Variants in NLRC5 observed in about 807,000 individuals in gnomAD.
The protein encoded by NLRC5 is protein NLRC5.
A neutral mutation model predicts 206.9 loss-of-function variants in NLRC5; 114 were observed. That is an observed-to-expected ratio of 0.55 (90% CI 0.47 to 0.64). The LOEUF (loss-of-function observed/expected upper bound fraction) is 0.64. Among genes scored for constraint, NLRC5 ranks in the 30% least tolerant of loss-of-function variants. The pLI, the probability that NLRC5 is intolerant of heterozygous loss-of-function variation, is 0.00. For missense variants in NLRC5, 2,008 were observed against 2,305.5 expected, an observed-to-expected ratio of 0.87 and a Z score of 2.64; for synonymous variants, 952 against 962.8, an observed-to-expected ratio of 0.99 and a Z score of 0.21.
Position 57,079,054 on chromosome 16 carries a change from CCATTCAGCCAT to C in NLRC5, c.5088_5098del (p.Phe1697GlyfsTer51). The C allele has an allele frequency of 1.9e-6, 3 of 1,614,026 alleles. No homozygotes were observed. The highest frequency in any genetic ancestry group is 2.5e-6 in the Non-Finnish European group (3 of 1,179,884). On this transcript the variant is annotated frameshift_variant, in exon 44 of 49. Transcript: ENST00000688547. LOFTEE classifies it high-confidence loss of function. ...CACCCTCTCCTCTTTCCCCAGCCTA[CCATTCAGCCAT>C]CTGGGCCCAGGTGGGGCCCTGAGCC... is the stretch of plus-strand genomic sequence containing the variant.
Position 57,070,549 on chromosome 16 carries a change from A to C in NLRC5, c.4598A>C (p.Gln1533Pro), listed in dbSNP as rs576458694. Residue 1533 changes from glutamine (Q) to proline (P), a missense_variant, in exon 38 of 49, where the codon CAA (glutamine) becomes CCA (proline). Transcript: ENST00000688547. ...HLEELDLSNN[Q>P]FDEEGTKALM... ...GTCTTCTGCAGCTTGTCTAACAATC[A>C]ATTTGATGAGGAGGGCACCAAGGCG... 2 of 1,613,798 alleles carry C rather than the reference A, an allele frequency of 1.2e-6. No homozygotes were observed. Among genetic ancestry groups the C allele is most frequent in the East Asian group, 4.5e-5 (2 of 44,886 alleles).
At chr16:57,044,508 T>G (rs1282148762) in intron 20 of NLRC5, among the ~76,000 whole-genome samples, 1 of 151,788 alleles carries the variant, frequency 6.6e-6, no homozygotes, top group African/African-American at 2.4e-5. Context: ...CCCCCAAGAA[T>G]GGGAGGTGCC....
chr16:57,001,975 A>G (rs1265061414), intron 1 of NLRC5, among the ~76,000 whole-genome samples: 2 of 151,824 alleles, frequency 1.3e-5, no homozygotes, highest in Admixed American at 1.3e-4. Flanking sequence ...TGATTTTTAG[A>G]TCCCACAAAT....
intron 38 of NLRC5, among the ~76,000 whole-genome samples, chr16:57,073,116 T>G (rs2144975920): frequency 6.6e-6 from 1 of 152,312 alleles, no homozygotes; most frequent in African/African-American, 2.4e-5. Flanking sequence ...TCGACAAATA[T>G]GTACTGAGCT....
chr16:57,028,893 T>C (rs2061509521), intron 8 of NLRC5, among the ~76,000 whole-genome samples: 1 of 152,190 alleles, frequency 6.6e-6, no homozygotes, highest in Non-Finnish European at 1.5e-5. Context: ...TCTAACTAAC[T>C]AAGCTTGTAT....
chr16:57,002,880 T>C (rs757509109), intron 1 of NLRC5, among the ~76,000 whole-genome samples: 1 of 152,104 alleles, frequency 6.6e-6, no homozygotes, highest in Non-Finnish European at 1.5e-5. Context: ...CTTGACCTCA[T>C]GATCTGCCCA....
chr16:57,014,512 G>T (rs1168097194), intron 1 of NLRC5, among the ~76,000 whole-genome samples: 1 of 152,098 alleles, frequency 6.6e-6, no homozygotes, highest in African/African-American at 2.4e-5. Context: ...TAACTTCAGC[G>T]GTTTTATTAT....
At chr16:57,008,886 G>A (rs973542291) in intron 1 of NLRC5, among the ~76,000 whole-genome samples, 2 of 152,118 alleles carry the variant, frequency 1.3e-5, no homozygotes, top group African/African-American at 4.8e-5. Flanking sequence ...ATTGATAAAT[G>A]AAAACAAAAA....
At position 57,055,084 on chromosome 16, in the gene NLRC5, G is replaced by T. The variant is rs151217415; in HGVS notation, c.3649G>T (p.Val1217Leu). 6 of 1,614,214 alleles carry T rather than the reference G, an allele frequency of 3.7e-6. No individual in the cohort carries two copies. Among genetic ancestry groups the T allele is most frequent in the Non-Finnish European group, 5.1e-6 (6 of 1,180,042 alleles). The change falls in exon 26 of 49, where the codon GTG becomes TTG. Residue 1217 changes from valine (V) to leucine (L), a missense_variant. Physicochemically the swap from Val to Leu is conservative, Grantham distance 32 (BLOSUM62 1). Coordinates refer to ENST00000688547, the MANE Select transcript of NLRC5 (RefSeq NM_001384950.1). The stretch of plus-strand genomic sequence containing the variant: ...CAGATCCAACGAGGAGGAGGAAGGC[G>T]TGTGCTGTGGGTAAGCCCCCTTGAA... ...HFRSNEEEEG[V>L]CCGRFTGCSL...
At chr16:57,064,283 C>G (rs1438678915) in intron 32 of NLRC5, among the ~76,000 whole-genome samples, 1 of 152,046 alleles carries the variant, frequency 6.6e-6, no homozygotes, top group Non-Finnish European at 1.5e-5. Context: ...GAAAATAGTG[C>G]TTTAAAAATT....
chr16:56,997,925 T>C (rs2057808436), intron 1 of NLRC5, among the ~76,000 whole-genome samples: 1 of 152,162 alleles, frequency 6.6e-6, no homozygotes, highest in South Asian at 2.1e-4. Flanking sequence ...TGAGATGGGC[T>C]GCATACAAAG....
chr16:57,067,430 G>A lies in NLRC5; in HGVS notation c.4366G>A (p.Gly1456Arg), dbSNP rs550669207. Reference sequence around the variant, plus strand: ...TGGAGCCCACCACAGCCTTCTTGTCGGGCAGCTGATGGAGACATGTGCCAG... The same window carrying A: ...TGGAGCCCACCACAGCCTTCTTGTCAGGCAGCTGATGGAGACATGTGCCAG... ...DLGAHHSLLV[G>R]QLMETCARLQ... Residue 1456 changes from glycine to arginine, a missense_variant, in exon 35 of 49, where the codon GGG becomes AGG. Physicochemically the swap from Gly to Arg is moderately radical, Grantham distance 125. Coordinates refer to ENST00000688547, the MANE Select transcript of NLRC5 (RefSeq NM_001384950.1). 57 of 1,614,166 alleles carry A rather than the reference G, an allele frequency of 3.5e-5. No homozygotes were observed. Among genetic ancestry groups the A allele is most frequent in the South Asian group, 1.3e-4 (12 of 91,082 alleles).
Position 57,043,568 on chromosome 16 carries a change from TCTC to T in NLRC5, c.3169_3171del (p.Ser1057del), listed in dbSNP as rs1349358911. On this transcript the variant is annotated inframe_deletion, in exon 20 of 49. Transcript: ENST00000688547. ...GCCGTGTTGGGTTTGGTTCGGTGCT[TCTC>T]CACTCTGCAGTGGCTCTTCCGCTTG... 2 of 1,613,982 alleles carry T rather than the reference TCTC, an allele frequency of 1.2e-6. No homozygotes were observed. The highest frequency in any genetic ancestry group is 1.7e-5 in the Admixed American group (1 of 59,998).
In NLRC5 at chr16:57,037,344, C is replaced by T. The variant is rs142000077; in HGVS notation, c.2801+60C>T. 1.2e-4 allele frequency: 177 copies of T among 1,469,248 alleles called. No individual in the cohort carries two copies. In the East Asian group the frequency reaches 2.4e-3, roughly 20 times the overall value. The allele number at this position is 1,469,248 out of a possible 1,614,324, so 91.0% of individuals were successfully genotyped here. ...CCCCCCATCATGCTCTCTCTGAAGC[C>T]CTTGGAATTCCTTCTGGGCCCAGGC... On this transcript the variant is annotated intron_variant, in intron 15 of 48. Coordinates refer to ENST00000688547, the MANE Select transcript of NLRC5 (RefSeq NM_001384950.1).
At chr16:57,031,348 G>A (rs1351904872) in intron 10 of NLRC5, 56 bp from the exon 11 acceptor site, 4 of 1,575,778 alleles carry the variant, frequency 2.5e-6, no homozygotes, top group African/African-American at 1.4e-5. Flanking sequence ...GCCTGTGGTG[G>A]GTGATGTGCT....
chr16:57,054,961 G>T (rs2065414162), intron 25 of NLRC5, 71 bp from the exon 26 acceptor site: 7 of 1,598,594 alleles, frequency 4.4e-6, no homozygotes, highest in Non-Finnish European at 6.0e-6. Context: ...TCCGGAGGAG[G>T]GGTGCTGGCC....
chr16:57,063,656 C>T (rs985829891), intron 32 of NLRC5, among the ~76,000 whole-genome samples: 3 of 152,190 alleles, frequency 2.0e-5, no homozygotes, highest in African/African-American at 7.2e-5. Context: ...TCCCAAAGTG[C>T]TAGGCGTGAG....
intron 15 of NLRC5, among the ~76,000 whole-genome samples, chr16:57,037,755 C>T (rs1448180388): frequency 6.6e-6 from 1 of 152,214 alleles, no homozygotes; most frequent in Non-Finnish European, 1.5e-5. Context: ...GACCCAGGCT[C>T]TGCCACTAGG....
chr16:57,021,169 G>A (rs1339900451), intron 3 of NLRC5, 162 bp downstream of exon 3: 16 of 638,440 alleles, frequency 2.5e-5, no homozygotes, highest in Non-Finnish European at 4.0e-5. Flanking sequence ...TTCCTAATGC[G>A]CCCAAATCTG....
Sources: gnomAD v4.1 joint callset for allele counts (sites outside exome capture counted in the v4.1 genomes callset) on GRCh38, gnomAD v4.1.1 for gene constraint, MANE v1.5 for transcripts, NCBI Gene and HGNC (gene_info 2026-07-23, HGNC 2026-07-21) for gene names.